IQSEC3: variants seen among roughly 807,000 people sequenced by gnomAD.
IQSEC3 encodes IQ motif and Sec7 domain ArfGEF 3.
Under a neutral mutation model 105.4 loss-of-function variants are expected in IQSEC3, and 50 were observed. That is an observed-to-expected ratio of 0.47 (90% confidence interval 0.38 to 0.60). The LOEUF (loss-of-function observed/expected upper bound fraction) is 0.60, where lower values mean the gene tolerates loss of function less well. Among genes scored for constraint, IQSEC3 ranks in the 20% least tolerant of loss-of-function variants. The probability of loss-of-function intolerance (pLI) is 0.00; values close to 1 mark genes in which losing one functional copy is unlikely to be tolerated. For synonymous variants in IQSEC3, 708 were observed against 746.0 expected (o/e 0.95, Z 0.83); for missense variants, 1,415 against 1,630.0 (o/e 0.87, Z 2.27).
At chr12:105,604 G>C (rs1864622245) in intron 2 of IQSEC3, among the ~76,000 whole-genome samples, 1 of 152,214 alleles carries the variant, frequency 6.6e-6, no homozygotes, top group African/African-American at 2.4e-5. Context: ...TTACCACCCT[G>C]TGCATTTTTG....
chr12:165,478 C>T lies in IQSEC3; in HGVS notation c.2754C>T (p.Thr918=). 6.2e-7 allele frequency: 1 copy of T among 1,614,134 alleles called. No individual in the cohort carries two copies. Among genetic ancestry groups the T allele is most frequent in the South Asian group, 1.1e-5 (1 of 91,086 alleles). Residue 918 remains threonine, a synonymous_variant, in exon 10 of 14, where the codon ACC becomes ACT. Transcript: ENST00000538872. ...AGAAGAAGAGCTCCTCCACGTACAC[C>T]TTTTGCAAGTCAGTTGGCCTGCTGG... ...CPKKKSSSTY[T]FCKSVGLLGM...
intron 1 of IQSEC3, among the ~76,000 whole-genome samples, chr12:90,528 C>CT (rs1229584962): frequency 5.9e-5 from 9 of 152,180 alleles, no homozygotes; most frequent in Non-Finnish European, 1.0e-4. Flanking sequence ...GGATTGAAGT[C>CT]TATTTTTTTG....
chr12:99,544 A>AG (rs1271714991), intron 2 of IQSEC3, among the ~76,000 whole-genome samples: 1 of 152,228 alleles, frequency 6.6e-6, no homozygotes, highest in African/African-American at 2.4e-5. Context: ...CTCACACGGT[A>AG]GGGTGCCTGG....
chr12:99,944 C>T (rs544685807), intron 2 of IQSEC3, among the ~76,000 whole-genome samples: 2 of 151,988 alleles, frequency 1.3e-5, no homozygotes, highest in African/African-American at 4.8e-5. Flanking sequence ...ACCCGCCCCC[C>T]GATCTGTGTT....
chr12:140,645 T>C (rs186642590), intron 4 of IQSEC3: 1 of 157,694 alleles, frequency 6.3e-6, no homozygotes, highest in African/African-American at 2.4e-5. Flanking sequence ...TCTCAGTGCT[T>C]ACCTTGTGTT....
intron 5 of IQSEC3, among the ~76,000 whole-genome samples, chr12:154,700 ACTT>A (rs1448295375): frequency 1.1e-4 from 16 of 151,634 alleles, no homozygotes; most frequent in Non-Finnish European, 1.6e-4. Flanking sequence ...TCTCTACCAG[ACTT>A]CTTCTGTCTC....
chr12:150,720 G>A (rs1240242907), intron 5 of IQSEC3, among the ~76,000 whole-genome samples: 1 of 152,208 alleles, frequency 6.6e-6, no homozygotes, highest in Non-Finnish European at 1.5e-5. Context: ...GGGGTTGGAT[G>A]CTTGAGTGGA....
chr12:135,395 A>G (rs1358508056), intron 3 of IQSEC3, among the ~76,000 whole-genome samples: 1 of 152,218 alleles, frequency 6.6e-6, no homozygotes, highest in African/African-American at 2.4e-5. Flanking sequence ...AGAGGCAAGT[A>G]TCTGTGTCTC....
chr12:144,365 G>T (rs1055418836), intron 5 of IQSEC3: 1 of 152,264 alleles, frequency 6.6e-6, no homozygotes, highest in South Asian at 2.1e-4. Flanking sequence ...GATTCTATAC[G>T]GCTCCCCTGC....
Position 103,132 on chromosome 12 carries a change from G to A in IQSEC3, c.623+3918G>A, listed in dbSNP as rs184780625. ...TAATGACAGGGCTTTATTCTGGGGC[G>A]CTGAATATGCCAGTAATTGCAGCCC... On this transcript the variant is annotated intron_variant, in intron 2 of 13. Transcript: ENST00000538872. 2.4e-3 allele frequency among the ~76,000 whole-genome samples: 372 copies of A among 152,098 alleles called. 2 individuals carry two copies. The highest frequency in any genetic ancestry group is 8.5e-3 in the African/African-American group (352 of 41,496).
Position 171,511 on chromosome 12 carries a change from C to A in IQSEC3, c.3114+350C>A, listed in dbSNP as rs1034762955. The A allele has an allele frequency of 1.2e-5, 7 of 606,936 alleles. No homozygotes were observed. In the East Asian group the frequency reaches 1.6e-4, roughly 14 times the overall value. 37.6% of individuals were successfully genotyped at this position (606,936 alleles called of 1,614,324 possible). On this transcript the variant is annotated intron_variant, in intron 13 of 13. Transcript: ENST00000538872. ...CAGCAAATGCTCACTGCTCACTGCT[C>A]CCCCAGTACTTGCTGTATCAGAAGA...
chr12:119,227 C>T (rs1555081328), intron 2 of IQSEC3, among the ~76,000 whole-genome samples: 2 of 152,114 alleles, frequency 1.3e-5, no homozygotes, highest in African/African-American at 4.8e-5. Flanking sequence ...GATGACCAGG[C>T]TCTGAAAAGC....
intron 3 of IQSEC3, chr12:137,642 AAAAAAG>A (rs1424502968): frequency 6.6e-6 from 1 of 151,390 alleles, no homozygotes; most frequent in African/African-American, 2.4e-5. Context: ...AAAAAAAAAA[AAAAAAG>A]AAGAAAAGAA....
intron 2 of IQSEC3, among the ~76,000 whole-genome samples, chr12:116,691 C>T (rs1367994225): frequency 6.6e-6 from 1 of 152,248 alleles, no homozygotes; most frequent in African/African-American, 2.4e-5. Context: ...AGGCACTTCC[C>T]TGACCCTTTG....
At chr12:165,299 T>C in intron 9 of IQSEC3, 135 bp from the exon 10 acceptor site, 2 of 703,062 alleles carry the variant, frequency 2.8e-6, no homozygotes, top group South Asian at 1.6e-5. Context: ...TGCACATATA[T>C]GTATATCTGT....
At chr12:112,242 C>T (rs1864913669) in intron 2 of IQSEC3, among the ~76,000 whole-genome samples, 1 of 139,656 alleles carries the variant, frequency 7.2e-6, no homozygotes, top group Admixed American at 7.8e-5. Context: ...AGTAAACTTT[C>T]ATCTTAGACT....
intron 5 of IQSEC3, among the ~76,000 whole-genome samples, chr12:142,977 CTG>C (rs1468676076): frequency 6.6e-6 from 1 of 152,214 alleles, no homozygotes; most frequent in African/African-American, 2.4e-5. Flanking sequence ...CAGGCCCTGA[CTG>C]TTGTCTGTTT....
intron 2 of IQSEC3, among the ~76,000 whole-genome samples, chr12:116,836 G>A (rs1325962726): frequency 2.6e-5 from 4 of 152,196 alleles, no homozygotes; most frequent in Non-Finnish European, 4.4e-5. Flanking sequence ...GACAAGGGGG[G>A]CGTTTGCCCA....
chr12:98,293 G>C (rs1555075189), intron 1 of IQSEC3, among the ~76,000 whole-genome samples: 1 of 152,174 alleles, frequency 6.6e-6, no homozygotes, highest in Non-Finnish European at 1.5e-5. Context: ...CTAGTCTAGT[G>C]CCTCTCAATC....
Sources: allele counts gnomAD v4.1 joint callset (sites outside exome capture counted in the v4.1 genomes callset), GRCh38; gene constraint gnomAD v4.1.1; transcripts MANE v1.5; gene names NCBI Gene and HGNC (gene_info 2026-07-23, HGNC 2026-07-21).